TACR3: variants seen among roughly 807,000 people sequenced by gnomAD.
TACR3 encodes tachykinin receptor 3, also known as neuromedin-K receptor.
Under a neutral mutation model 35.0 loss-of-function variants are expected in TACR3, and 34 were observed. The observed-to-expected ratio is 0.97, with a 90% CI of 0.74 to 1.30. The LOEUF is 1.30. Among genes scored for constraint, TACR3 ranks in the 50% most tolerant of loss-of-function variants. The pLI, the probability that TACR3 is intolerant of heterozygous loss-of-function variation, is 0.00. For missense variants in TACR3, 558 were observed against 591.7 expected (o/e 0.94, Z 0.59); for synonymous variants, 233 against 221.1 (o/e 1.05, Z -0.48).
intron 3 of TACR3, among the ~76,000 whole-genome samples, chr4:103,594,179 A>AC (rs1490785978): frequency 1.0e-5 from 1 of 100,130 alleles, no homozygotes; most frequent in Non-Finnish European, 2.1e-5. Context: ...TCCAAAAATA[A>AC]CCTTTTTTTT....
intron 3 of TACR3, among the ~76,000 whole-genome samples, chr4:103,596,904 AT>A (rs1411396958): frequency 6.6e-6 from 1 of 151,844 alleles, no homozygotes; most frequent in Non-Finnish European, 1.5e-5. Flanking sequence ...TTCCAGCTTC[AT>A]CCATGTCCCT....
chr4:103,644,347 G>A (rs1725417550), intron 3 of TACR3, among the ~76,000 whole-genome samples: 2 of 151,806 alleles, frequency 1.3e-5, no homozygotes, highest in South Asian at 2.1e-4. Flanking sequence ...CCCATCAGAA[G>A]TTTCAGATGT....
chr4:103,696,513 T>C (rs1722523383), intron 1 of TACR3, among the ~76,000 whole-genome samples: 1 of 152,228 alleles, frequency 6.6e-6, no homozygotes, highest in Non-Finnish European at 1.5e-5. Flanking sequence ...GCAAGCATCG[T>C]TTCTATGCTT....
chr4:103,645,373 T>C (rs1225633968), intron 3 of TACR3, among the ~76,000 whole-genome samples: 1 of 151,986 alleles, frequency 6.6e-6, no homozygotes, highest in Non-Finnish European at 1.5e-5. Flanking sequence ...GTAAGAGATT[T>C]AGTTTATAGG....
In TACR3 at chr4:103,719,884, G is replaced by C; in HGVS notation, c.-209C>G. ...CTGCACTTTCTCAGAGGCGCTTGCG[G>C]CTCTGGCAGGCAGAAAGAATGAGAT... is the stretch of plus-strand genomic sequence containing the variant. On this transcript the variant is annotated 5_prime_UTR_variant, in exon 1 of 5. Transcript: ENST00000304883. The C allele has an allele frequency of 1.6e-6, 1 of 620,154 alleles. No homozygotes were observed. Among genetic ancestry groups the C allele is most frequent in the Non-Finnish European group, 2.8e-6 (1 of 355,902 alleles). 38.4% of individuals were successfully genotyped at this position (620,154 alleles called of 1,614,324 possible).
intron 3 of TACR3, among the ~76,000 whole-genome samples, chr4:103,617,548 TTCCCATTAATTG>T (rs1263291146): frequency 1.3e-5 from 2 of 152,192 alleles, no homozygotes; most frequent in Non-Finnish European, 2.9e-5. Flanking sequence ...TATTGTTAAG[TTCCCATTAATTG>T]CTGCTGTTTC....
chr4:103,620,780 G>A (rs1202713551), intron 3 of TACR3, among the ~76,000 whole-genome samples: 1 of 152,056 alleles, frequency 6.6e-6, no homozygotes, highest in Non-Finnish European at 1.5e-5. Context: ...TACCCATTGA[G>A]CACTATGCTC....
At chr4:103,686,249 T>G (rs1254341610) in intron 1 of TACR3, among the ~76,000 whole-genome samples, 1 of 152,186 alleles carries the variant, frequency 6.6e-6, no homozygotes, top group African/African-American at 2.4e-5. Context: ...TGAGGCAGAC[T>G]TGTAAACCTT....
chr4:103,670,792 G>T (rs1396024528), intron 1 of TACR3, among the ~76,000 whole-genome samples: 2 of 151,836 alleles, frequency 1.3e-5, no homozygotes, highest in Admixed American at 6.6e-5. Flanking sequence ...TTTCTAATTT[G>T]GATATGCTTT....
chr4:103,684,766 G>C (rs1304533121), intron 1 of TACR3, among the ~76,000 whole-genome samples: 1 of 152,038 alleles, frequency 6.6e-6, no homozygotes, highest in Non-Finnish European at 1.5e-5. Context: ...ACTTTGGGGG[G>C]CTGAGGTGGG....
At chr4:103,679,473 G>A (rs539864489) in intron 1 of TACR3, among the ~76,000 whole-genome samples, 16 of 152,094 alleles carry the variant, frequency 1.1e-4, no homozygotes, top group African/African-American at 3.6e-4. Context: ...AGTAGTAGTA[G>A]TACTTTTGGT....
intron 2 of TACR3, among the ~76,000 whole-genome samples, chr4:103,657,354 AC>A (rs1725752277): frequency 6.6e-6 from 1 of 152,024 alleles, no homozygotes; most frequent in South Asian, 2.1e-4. Flanking sequence ...GAAGATGATA[AC>A]ATTATCATAC....
intron 3 of TACR3, among the ~76,000 whole-genome samples, chr4:103,610,042 ACTT>A (rs1724477768): frequency 6.6e-6 from 1 of 151,850 alleles, no homozygotes; most frequent in Admixed American, 6.6e-5. Context: ...GGTTGATTCC[ACTT>A]CTTGGCTATT....
At chr4:103,666,470 A>G (rs1376665273) in intron 1 of TACR3, among the ~76,000 whole-genome samples, 1 of 152,214 alleles carries the variant, frequency 6.6e-6, no homozygotes, top group Non-Finnish European at 1.5e-5. Flanking sequence ...ACATGACCTC[A>G]TTAATATATT....
chr4:103,685,966 G>A (rs1340709300), intron 1 of TACR3, among the ~76,000 whole-genome samples: 1 of 152,112 alleles, frequency 6.6e-6, no homozygotes, highest in African/African-American at 2.4e-5. Context: ...GAAAAGAATG[G>A]ATAAACTCTT....
chr4:103,594,763 G>T (rs1419043402), intron 3 of TACR3, among the ~76,000 whole-genome samples: 1 of 152,072 alleles, frequency 6.6e-6, no homozygotes, highest in Admixed American at 6.6e-5. Flanking sequence ...ACTTCAGATA[G>T]CTTTTAACTC....
intron 1 of TACR3, among the ~76,000 whole-genome samples, chr4:103,670,630 T>C (rs1726037348): frequency 6.6e-6 from 1 of 152,064 alleles, no homozygotes; most frequent in Non-Finnish European, 1.5e-5. Flanking sequence ...TGTTGGCATA[T>C]AGGAATGCTA....
intron 1 of TACR3, among the ~76,000 whole-genome samples, chr4:103,686,865 A>C (rs1260391008): frequency 1.3e-5 from 2 of 152,160 alleles, no homozygotes; most frequent in Non-Finnish European, 2.9e-5. Flanking sequence ...CAATCAATAG[A>C]AAAAGAGGGA....
intron 3 of TACR3, among the ~76,000 whole-genome samples, chr4:103,608,532 A>C (rs1362788932): frequency 6.6e-6 from 1 of 152,064 alleles, no homozygotes; most frequent in African/African-American, 2.4e-5. Flanking sequence ...AAATTTGCAC[A>C]TGTACCCCGT....
Sources: gnomAD v4.1 joint callset for allele counts (sites outside exome capture counted in the v4.1 genomes callset) on GRCh38, gnomAD v4.1.1 for gene constraint, MANE v1.5 for transcripts, NCBI Gene and HGNC (gene_info 2026-07-23, HGNC 2026-07-21) for gene names.